Variants in ADAMTS12 observed in about 807,000 individuals in gnomAD.
ADAMTS12 encodes the protein A disintegrin and metalloproteinase with thrombospondin motifs 12.
ADAMTS12 carries 118 observed loss-of-function variants against 167.8 expected under a neutral mutation model. The observed-to-expected ratio is 0.70, with a 90% CI of 0.61 to 0.82. The LOEUF (loss-of-function observed/expected upper bound fraction) is 0.82. Ranked by LOEUF, ADAMTS12 falls within the 40% of genes least tolerant of loss-of-function variation. The pLI is 0.00. For synonymous variants in ADAMTS12, 704 were observed against 716.9 expected, an observed-to-expected ratio of 0.98 and a Z score of 0.29; for missense variants, 1,916 against 1,998.8, an observed-to-expected ratio of 0.96 and a Z score of 0.79.
At chr5:33,839,064 A>C (rs1450277568) in intron 2 of ADAMTS12, among the ~76,000 whole-genome samples, 1 of 152,186 alleles carries the variant, frequency 6.6e-6, no homozygotes, top group Non-Finnish European at 1.5e-5. Context: ...AGATCCTAAA[A>C]CAGGTCTTTT....
chr5:33,832,030 A>C (rs765967191), intron 2 of ADAMTS12, among the ~76,000 whole-genome samples: 1 of 152,214 alleles, frequency 6.6e-6, no homozygotes, highest in African/African-American at 2.4e-5. Flanking sequence ...TTCTCTTCTG[A>C]AGAATGCAGT....
chr5:33,791,539 A>G (rs1746569957), intron 2 of ADAMTS12, among the ~76,000 whole-genome samples: 1 of 152,230 alleles, frequency 6.6e-6, no homozygotes, highest in African/African-American at 2.4e-5. Context: ...CAAGCCAATC[A>G]GATTTTTATC....
intron 22 of ADAMTS12, among the ~76,000 whole-genome samples, chr5:33,540,475 T>C (rs1268294316): frequency 6.6e-6 from 1 of 152,208 alleles, no homozygotes; most frequent in Non-Finnish European, 1.5e-5. Flanking sequence ...AGCATGGTGT[T>C]TGAGCTCTGA....
intron 19 of ADAMTS12, among the ~76,000 whole-genome samples, chr5:33,570,898 G>T (rs1579682386): frequency 3.3e-5 from 5 of 150,158 alleles, no homozygotes; most frequent in South Asian, 4.3e-4. Flanking sequence ...AAGGATGGAG[G>T]AAGATCTACC....
chr5:33,779,312 A>T (rs113115866), intron 2 of ADAMTS12, among the ~76,000 whole-genome samples: 23,339 of 151,148 alleles, frequency 0.15, 2,124 homozygotes, highest in East Asian at 0.4. Flanking sequence ...CAGCCTCCTG[A>T]GTAGCTGGGA....
At position 33,646,417 on chromosome 5, in the gene ADAMTS12, C is replaced by T. The variant is rs1561192537; in HGVS notation, c.1479+2405G>A. 2.6e-5 allele frequency among the ~76,000 whole-genome samples: 4 copies of T among 151,464 alleles called. No individual in the cohort carries two copies. The South Asian group carries it at 6.3e-4, about 24-fold the overall frequency. On this transcript the variant is annotated intron_variant, in intron 9 of 23. Coordinates refer to ENST00000504830, the MANE Select transcript of ADAMTS12 (RefSeq NM_030955.4). Reference sequence around the variant, plus strand: ...CTATGTAAGGTAGGAAGTTGGAGACCTTCATATAAGGCCTTGAGTGAAAGG... The same window carrying T: ...CTATGTAAGGTAGGAAGTTGGAGACTTTCATATAAGGCCTTGAGTGAAAGG...
intron 20 of ADAMTS12, among the ~76,000 whole-genome samples, chr5:33,557,267 G>C (rs1745527582): frequency 6.6e-6 from 1 of 152,100 alleles, no homozygotes; most frequent in Non-Finnish European, 1.5e-5. Flanking sequence ...GAAAATTCCA[G>C]GTAAAATTAG....
chr5:33,587,927 C>T (rs914808335), intron 18 of ADAMTS12, among the ~76,000 whole-genome samples: 1 of 152,162 alleles, frequency 6.6e-6, no homozygotes, highest in African/African-American at 2.4e-5. Context: ...GGGCCTTCCA[C>T]TAATAACTGG....
intron 3 of ADAMTS12, among the ~76,000 whole-genome samples, chr5:33,688,837 A>AC (rs2112272820): frequency 6.6e-6 from 1 of 152,170 alleles, no homozygotes; most frequent in Admixed American, 6.5e-5. Context: ...TCTCTTCTAC[A>AC]CCCTTATATC....
At chr5:33,848,651 T>G (rs556177024) in intron 2 of ADAMTS12, among the ~76,000 whole-genome samples, 24 of 152,158 alleles carry the variant, frequency 1.6e-4, no homozygotes, top group Non-Finnish European at 1.5e-4. Flanking sequence ...ATTGTTGAGA[T>G]GTATTCTGAA....
chr5:33,866,373 C>A (rs1749822464), intron 2 of ADAMTS12, among the ~76,000 whole-genome samples: 1 of 151,980 alleles, frequency 6.6e-6, no homozygotes, highest in African/African-American at 2.4e-5. Context: ...ATAAATGGTG[C>A]TGGGAAAACT....
intron 5 of ADAMTS12, among the ~76,000 whole-genome samples, chr5:33,664,237 A>G (rs975395220): frequency 6.6e-6 from 1 of 152,204 alleles, no homozygotes; most frequent in Non-Finnish European, 1.5e-5. Flanking sequence ...AGAAAAATAA[A>G]GTGGAACGTA....
intron 2 of ADAMTS12, among the ~76,000 whole-genome samples, chr5:33,770,588 G>C (rs567222494): frequency 1.3e-5 from 2 of 152,220 alleles, no homozygotes; most frequent in East Asian, 3.9e-4. Context: ...GTCTAAGAGA[G>C]AGCTTGTGTT....
intron 2 of ADAMTS12, among the ~76,000 whole-genome samples, chr5:33,868,505 A>C (rs1749913716): frequency 1.3e-5 from 2 of 152,226 alleles, no homozygotes; most frequent in East Asian, 1.9e-4. Context: ...ATTAGCAAAC[A>C]GGTTAGAGGC....
chr5:33,856,294 A>G (rs537476625), intron 2 of ADAMTS12, among the ~76,000 whole-genome samples: 10 of 152,288 alleles, frequency 6.6e-5, no homozygotes, highest in Admixed American at 5.2e-4. Flanking sequence ...GCTTTGGAAA[A>G]CATGCTGGTG....
chr5:33,613,301 T>G lies in ADAMTS12; in HGVS notation c.2527+937A>C, dbSNP rs369853950. On this transcript the variant is annotated intron_variant, in intron 16 of 23. Transcript: ENST00000504830. Reference sequence around the variant, plus strand: ...ATATTACTAAAGCCCCCTAAATGAGTGATATAGCCCCAAGTATTCAGCAGG... The same window carrying G: ...ATATTACTAAAGCCCCCTAAATGAGGGATATAGCCCCAAGTATTCAGCAGG... Among the ~76,000 whole-genome samples the G allele has an allele frequency of 8.6e-5, 13 of 151,784 alleles. No homozygotes were observed. In the East Asian group the frequency reaches 9.7e-4, roughly 11 times the overall value.
intron 22 of ADAMTS12, among the ~76,000 whole-genome samples, chr5:33,538,852 G>A (rs967738102): frequency 6.6e-6 from 1 of 152,104 alleles, no homozygotes; most frequent in African/African-American, 2.4e-5. Context: ...TCCTAATAAA[G>A]TGTTAAATTT....
chr5:33,773,068 G>T (rs567866014), intron 2 of ADAMTS12, among the ~76,000 whole-genome samples: 2 of 152,314 alleles, frequency 1.3e-5, no homozygotes, highest in Admixed American at 6.5e-5. Context: ...TATGGAAGGT[G>T]CAAGGCATAA....
At chr5:33,875,034 C>G (rs528884338) in intron 2 of ADAMTS12, among the ~76,000 whole-genome samples, 1 of 152,320 alleles carries the variant, frequency 6.6e-6, no homozygotes, top group South Asian at 2.1e-4. Flanking sequence ...TGCCACTGCA[C>G]TCCAGCCTAC....
Sources: gnomAD v4.1 joint callset for allele counts (sites outside exome capture counted in the v4.1 genomes callset) on GRCh38, gnomAD v4.1.1 for gene constraint, MANE v1.5 for transcripts, NCBI Gene and HGNC (gene_info 2026-07-23, HGNC 2026-07-21) for gene names.